Variants in PRKG1 observed in about 807,000 individuals in gnomAD.
PRKG1 encodes the protein cGMP-dependent protein kinase 1.
A neutral mutation model predicts 88.1 loss-of-function variants in PRKG1; 35 were observed. That is an observed-to-expected ratio of 0.40 (90% CI 0.30 to 0.53). The LOEUF (loss-of-function observed/expected upper bound fraction) is 0.53, where lower values mean the gene tolerates loss of function less well. PRKG1 is among the 20% of genes least tolerant of loss of function. The pLI, the probability that PRKG1 is intolerant of heterozygous loss-of-function variation, is 0.59. For synonymous variants in PRKG1, 303 were observed against 292.5 expected, an observed-to-expected ratio of 1.04 and a Z score of -0.37; for missense variants, 540 against 839.8, an observed-to-expected ratio of 0.64 and a Z score of 4.41.
chr10:51,521,810 T>C (rs960324645), intron 3 of PRKG1, among the ~76,000 whole-genome samples: 3 of 152,238 alleles, frequency 2.0e-5, no homozygotes, highest in Non-Finnish European at 4.4e-5. Flanking sequence ...ATTTCAGTAC[T>C]GTAAATGAAA....
intron 3 of PRKG1, among the ~76,000 whole-genome samples, chr10:51,779,972 G>A (rs1051524459): frequency 1.3e-5 from 2 of 152,138 alleles, no homozygotes; most frequent in African/African-American, 4.8e-5. Context: ...CTGATTGGCA[G>A]AAAAGGTTGA....
intron 8 of PRKG1, among the ~76,000 whole-genome samples, chr10:52,150,175 A>T (rs1564490953): frequency 5.5e-4 from 80 of 144,862 alleles, no homozygotes; most frequent in Middle Eastern, 3.6e-3. Context: ...AATAATAATA[A>T]TAATAATAAT....
chr10:52,199,598 G>T (rs1480470763), intron 9 of PRKG1, among the ~76,000 whole-genome samples: 1 of 152,134 alleles, frequency 6.6e-6, no homozygotes, highest in East Asian at 1.9e-4. Flanking sequence ...CCATAAATAA[G>T]AGGTTCAGCT....
In PRKG1 at chr10:51,342,684, A is replaced by G. The variant is rs571614398; in HGVS notation, c.479-125039A>G. On this transcript the variant is annotated intron_variant, in intron 2 of 17. Transcript: ENST00000373980. ...TCCTGTCACCAAAAATAGAGTTTAA[A>G]TTATACAATAGACTTATAAGTATTT... 2.0e-5 allele frequency among the ~76,000 whole-genome samples: 3 copies of G among 152,308 alleles called. No individual in the cohort carries two copies. The South Asian group carries it at 6.2e-4, about 32-fold the overall frequency.
chr10:52,283,695 A>G (rs1315021594), intron 14 of PRKG1, among the ~76,000 whole-genome samples: 1 of 152,096 alleles, frequency 6.6e-6, no homozygotes, highest in Non-Finnish European at 1.5e-5. Flanking sequence ...TTTTAAAAGT[A>G]TGACCAATTA....
At chr10:52,004,918 C>A (rs1253268227) in intron 5 of PRKG1, among the ~76,000 whole-genome samples, 7 of 151,918 alleles carry the variant, frequency 4.6e-5, no homozygotes, top group Non-Finnish European at 2.9e-5. Context: ...CAGACTGATA[C>A]CCAGTCTCCA....
At chr10:52,128,735 C>A (rs973078709) in intron 7 of PRKG1, among the ~76,000 whole-genome samples, 2 of 152,062 alleles carry the variant, frequency 1.3e-5, no homozygotes, top group Admixed American at 6.6e-5. Flanking sequence ...TGTTAATCTG[C>A]CAAACAGTAG....
At chr10:51,872,447 G>T (rs1841182091) in intron 4 of PRKG1, among the ~76,000 whole-genome samples, 1 of 152,126 alleles carries the variant, frequency 6.6e-6, no homozygotes, top group Non-Finnish European at 1.5e-5. Flanking sequence ...TTTTGGTGGA[G>T]TGAGAGACTT....
At chr10:51,930,691 A>G (rs1842676251) in intron 5 of PRKG1, among the ~76,000 whole-genome samples, 1 of 151,876 alleles carries the variant, frequency 6.6e-6, no homozygotes, top group Non-Finnish European at 1.5e-5. Context: ...GGGTTTCACC[A>G]TGTTGGCCAG....
At chr10:51,657,242 C>A (rs1840183204) in intron 3 of PRKG1, among the ~76,000 whole-genome samples, 1 of 152,076 alleles carries the variant, frequency 6.6e-6, no homozygotes, top group Non-Finnish European at 1.5e-5. Context: ...ATCCTTCAAA[C>A]TCTCATTTAT....
At chr10:51,123,210 T>A (rs1316560388) in intron 1 of PRKG1, among the ~76,000 whole-genome samples, 1 of 152,160 alleles carries the variant, frequency 6.6e-6, no homozygotes, top group Non-Finnish European at 1.5e-5. Flanking sequence ...ATGACTGAAG[T>A]CAGATGATTG....
At chr10:51,718,735 C>G (rs1841943600) in intron 3 of PRKG1, among the ~76,000 whole-genome samples, 1 of 151,270 alleles carries the variant, frequency 6.6e-6, no homozygotes, top group South Asian at 2.1e-4. Flanking sequence ...CAATTGAACC[C>G]ATAGAGACAG....
intron 5 of PRKG1, among the ~76,000 whole-genome samples, chr10:52,002,414 G>A (rs767656920): frequency 1.3e-5 from 2 of 152,090 alleles, no homozygotes; most frequent in Non-Finnish European, 2.9e-5. Context: ...GTGATGGTTT[G>A]TCTTATAACA....
At chr10:52,113,134 A>G (rs1012989655) in intron 7 of PRKG1, among the ~76,000 whole-genome samples, 1 of 152,188 alleles carries the variant, frequency 6.6e-6, no homozygotes, top group Non-Finnish European at 1.5e-5. Flanking sequence ...GCAAAGACCT[A>G]TTACAGAAAT....
chr10:51,343,595 A>G (rs1056999830), intron 2 of PRKG1, among the ~76,000 whole-genome samples: 2 of 152,182 alleles, frequency 1.3e-5, no homozygotes, highest in African/African-American at 4.8e-5. Context: ...TGGTATGTTT[A>G]TTTAAATATT....
chr10:51,379,259 G>T (rs1405616974), intron 2 of PRKG1, among the ~76,000 whole-genome samples: 1 of 152,162 alleles, frequency 6.6e-6, no homozygotes, highest in Non-Finnish European at 1.5e-5. Context: ...TGAAGAGGAG[G>T]AGAAAAGCTA....
intron 2 of PRKG1, among the ~76,000 whole-genome samples, chr10:51,169,207 A>AT (rs1846630448): frequency 3.3e-5 from 5 of 152,164 alleles, no homozygotes; most frequent in Admixed American, 2.0e-4. Flanking sequence ...TAACTTCTCT[A>AT]ATACCATAAT....
intron 4 of PRKG1, among the ~76,000 whole-genome samples, chr10:51,844,140 G>T (rs1840345378): frequency 6.6e-6 from 1 of 152,074 alleles, no homozygotes; most frequent in Non-Finnish European, 1.5e-5. Flanking sequence ...AGGGGAAGAA[G>T]AATGAAAAGA....
At chr10:51,697,804 C>T in intron 3 of PRKG1, 2 of 1,614,182 alleles carry the variant, frequency 1.2e-6, no homozygotes, top group Non-Finnish European at 8.5e-7. Context: ...GTTGAAGAAC[C>T]TGCATGATCA....
Sources: gnomAD v4.1 joint callset for allele counts (sites outside exome capture counted in the v4.1 genomes callset) on GRCh38, gnomAD v4.1.1 for gene constraint, MANE v1.5 for transcripts, NCBI Gene and HGNC (gene_info 2026-07-23, HGNC 2026-07-21) for gene names.